The following PABPC4L variants were observed in gnomAD, a reference collection of about 807,000 sequenced individuals.
PABPC4L encodes the protein polyadenylate-binding protein 4-like.
For missense variants in PABPC4L, 452 were observed against 451.4 expected, an observed-to-expected ratio of 1.00 and a Z score of -0.01; for synonymous variants, 169 against 164.1, an observed-to-expected ratio of 1.03 and a Z score of -0.23.
chr4:134,142,582 G>A, the PABPC4L span, among the ~76,000 whole-genome samples: 1 of 151,308 alleles, frequency 6.6e-6, no homozygotes, highest in Non-Finnish European at 1.5e-5. Flanking sequence ...TTTTTAATGT[G>A]TAATATAATA....
chr4:134,054,417 A>G, the PABPC4L span, among the ~76,000 whole-genome samples: 1 of 151,370 alleles, frequency 6.6e-6, no homozygotes, highest in Non-Finnish European at 1.5e-5. Flanking sequence ...ATTTCCATCA[A>G]TGATAACATC....
Position 134,201,121 on chromosome 4 carries a change from C to A in PABPC4L, c.-102G>T, listed in dbSNP as rs1729866084. ...CTTTGGCCCGGTTCAAGTGTGGAGG[C>A]CTCGGGATCACCACACAAAGGCCAA... On this transcript the variant is annotated 5_prime_UTR_variant, in exon 2 of 2. Coordinates refer to ENST00000421491, the MANE Select transcript of PABPC4L (RefSeq NM_001114734.2). 6.5e-7 allele frequency: 1 copy of A among 1,550,312 alleles called. No homozygotes were observed. The highest frequency in any genetic ancestry group is 1.2e-5 in the South Asian group (1 of 83,304).
chr4:134,061,180 T>C, the PABPC4L span, among the ~76,000 whole-genome samples: 1 of 151,972 alleles, frequency 6.6e-6, no homozygotes, highest in Admixed American at 6.6e-5. Flanking sequence ...TCAAAATAGC[T>C]CATGTAACAC....
chr4:134,067,656 G>A, the PABPC4L span, among the ~76,000 whole-genome samples: 2 of 152,024 alleles, frequency 1.3e-5, no homozygotes, highest in African/African-American at 4.8e-5. Flanking sequence ...TTTTTGATGT[G>A]TGCATTAAGT....
the PABPC4L span, among the ~76,000 whole-genome samples, chr4:134,132,804 C>T: frequency 6.7e-6 from 1 of 149,614 alleles, no homozygotes; most frequent in East Asian, 2.0e-4. Context: ...AGTATAGAAC[C>T]AGCCCAAATG....
chr4:133,964,337 C>CAAA, the PABPC4L span, among the ~76,000 whole-genome samples: 114 of 147,034 alleles, frequency 7.8e-4, no homozygotes, highest in African/African-American at 2.6e-3. Flanking sequence ...TAAAAATTAC[C>CAAA]AAAAAAAAAA....
At chr4:133,980,770 A>C in the PABPC4L span, among the ~76,000 whole-genome samples, 1 of 152,180 alleles carries the variant, frequency 6.6e-6, no homozygotes, top group Admixed American at 6.5e-5. Flanking sequence ...CTTTAAAAAA[A>C]ATGATCATCT....
At chr4:134,078,638 A>G in the PABPC4L span, among the ~76,000 whole-genome samples, 4 of 142,142 alleles carry the variant, frequency 2.8e-5, no homozygotes, top group South Asian at 6.8e-4. Flanking sequence ...CAGCATAGAG[A>G]TAAGTTTTGT....
chr4:133,950,536 G>A, the PABPC4L span, among the ~76,000 whole-genome samples: 2 of 152,070 alleles, frequency 1.3e-5, no homozygotes, highest in African/African-American at 4.8e-5. Flanking sequence ...GACTTCCTTT[G>A]TGCAGCATGA....
At chr4:134,003,522 T>A in the PABPC4L span, among the ~76,000 whole-genome samples, 5 of 151,946 alleles carry the variant, frequency 3.3e-5, no homozygotes, top group Admixed American at 1.3e-4. Flanking sequence ...ATTTATGGAA[T>A]AAATAAATCA....
At chr4:134,063,410 C>T in the PABPC4L span, among the ~76,000 whole-genome samples, 1 of 151,928 alleles carries the variant, frequency 6.6e-6, no homozygotes, top group African/African-American at 2.4e-5. Flanking sequence ...ATAAAAGGCA[C>T]AGCAAGATAG....
At position 134,200,112 on chromosome 4, in the gene PABPC4L, G is replaced by A. The variant is rs965317575; in HGVS notation, c.908C>T (p.Thr303Ile). 4 of 1,551,472 alleles carry A rather than the reference G, an allele frequency of 2.6e-6. No homozygotes were observed. The African/African-American group carries it at 5.5e-5, about 21-fold the overall frequency. The stretch of plus-strand genomic sequence containing the variant: ...GTTTCGTAGTTTTTCATCATCGATG[G>A]TGTCATCAAGGTTCTTAATATAGAG... ...VKLYIKNLDD[T>I]IDDEKLRNEF... Residue 303 changes from threonine (T) to isoleucine (I), a missense_variant, in exon 2 of 2, where the codon ACC (threonine) becomes ATC (isoleucine). Transcript: ENST00000421491.
At chr4:133,956,644 T>C in the PABPC4L span, among the ~76,000 whole-genome samples, 12 of 152,252 alleles carry the variant, frequency 7.9e-5, no homozygotes, top group Admixed American at 2.0e-4. Flanking sequence ...CTGAAGATAG[T>C]GTATTAGTCC....
At chr4:134,024,493 G>A in the PABPC4L span, among the ~76,000 whole-genome samples, 1 of 152,068 alleles carries the variant, frequency 6.6e-6, no homozygotes, top group Admixed American at 6.6e-5. Context: ...CCTCTCTTCT[G>A]CCAATGTTCA....
the PABPC4L span, among the ~76,000 whole-genome samples, chr4:134,111,537 T>C: frequency 6.6e-6 from 1 of 151,844 alleles, no homozygotes; most frequent in Non-Finnish European, 1.5e-5. Context: ...TTGTTCTGTG[T>C]CTCTAGAGAA....
chr4:133,965,939 C>A, the PABPC4L span, among the ~76,000 whole-genome samples: 1 of 152,008 alleles, frequency 6.6e-6, no homozygotes, highest in Non-Finnish European at 1.5e-5. Flanking sequence ...AACCCAAAAG[C>A]AAATGCAATA....
chr4:134,161,913 G>A, the PABPC4L span, among the ~76,000 whole-genome samples: 2 of 152,066 alleles, frequency 1.3e-5, no homozygotes, highest in African/African-American at 2.4e-5. Flanking sequence ...TAATTAAAAA[G>A]TGGGGGGATG....
At chr4:134,079,371 G>T in the PABPC4L span, among the ~76,000 whole-genome samples, 1 of 150,644 alleles carries the variant, frequency 6.6e-6, no homozygotes. Flanking sequence ...CACGAGGTCG[G>T]AGATCGAGAC....
the PABPC4L span, among the ~76,000 whole-genome samples, chr4:133,958,456 C>T: frequency 1.3e-5 from 2 of 152,196 alleles, no homozygotes; most frequent in East Asian, 1.9e-4. Context: ...TTCCATCCTT[C>T]GCTTGTTACC....
Sources: allele counts gnomAD v4.1 joint callset (sites outside exome capture counted in the v4.1 genomes callset), GRCh38; gene constraint gnomAD v4.1.1; transcripts MANE v1.5; gene names NCBI Gene and HGNC (gene_info 2026-07-23, HGNC 2026-07-21).